CCDC102B: variants seen among roughly 807,000 people sequenced by gnomAD.
The protein encoded by CCDC102B is coiled-coil domain containing 102B.
In CCDC102B, 75 loss-of-function variants were observed where a neutral mutation model predicts 57.4. The observed-to-expected ratio is 1.31, with a 90% CI of 1.08 to 1.58. CCDC102B has a LOEUF of 1.58. Ranked by LOEUF, CCDC102B falls within the 40% of genes most tolerant of loss-of-function variation. CCDC102B has a pLI of 0.00. For missense variants in CCDC102B, 636 were observed against 582.6 expected (o/e 1.09, Z -0.94); for synonymous variants, 206 against 201.9 (o/e 1.02, Z -0.17).
At chr18:68,787,326 A>G (rs371765911) in intron 2 of CCDC102B, among the ~76,000 whole-genome samples, 1 of 151,580 alleles carries the variant, frequency 6.6e-6, no homozygotes, top group Admixed American at 6.6e-5. Flanking sequence ...TTGGTATCAG[A>G]ATGATGCTGG....
chr18:68,982,283 T>G (rs117006704), intron 6 of CCDC102B, among the ~76,000 whole-genome samples: 1,915 of 152,126 alleles, frequency 0.013, 12 homozygotes, highest in Non-Finnish European at 0.017. Context: ...TAATTTGAGT[T>G]GTATTGAACT....
rs183770772 is a variant in CCDC102B, at chr18:68,759,603, A to G, written c.-67+43009A>G. ...GAGATGATGCTAAGTATAGAATTCT[A>G]TACACATTCAAATTGTCAATCAGGG... On this transcript the variant is annotated intron_variant, in intron 2 of 3. Coordinates refer to the CCDC102B transcript ENST00000578970. Among the ~76,000 whole-genome samples the G allele has an allele frequency of 2.9e-3, 436 of 152,238 alleles. 1 individual carries two copies. The highest frequency in any genetic ancestry group is 0.01 in the African/African-American group (418 of 41,564).
chr18:68,909,338 A>AT (rs2040757593), intron 6 of CCDC102B, among the ~76,000 whole-genome samples: 1 of 152,164 alleles, frequency 6.6e-6, no homozygotes, highest in African/African-American at 2.4e-5. Flanking sequence ...CAAAACAGTT[A>AT]TTTTTGCCAA....
At chr18:69,014,978 A>AGTGTGTGTGTGTGTGTGTGTGTGT (rs3035604) in intron 7 of CCDC102B, among the ~76,000 whole-genome samples, 10 of 139,430 alleles carry the variant, frequency 7.2e-5, no homozygotes, top group East Asian at 4.5e-4. Flanking sequence ...AGAGAGAGAG[A>AGTGTGTGTGTGTGTGTGTGTGTGT]GTGTGTGTGT....
intron 2 of CCDC102B, among the ~76,000 whole-genome samples, chr18:68,720,579 G>C (rs565881331): frequency 6.6e-6 from 1 of 152,300 alleles, no homozygotes; most frequent in East Asian, 1.9e-4. Flanking sequence ...GAAGAAGCTA[G>C]ACGCTTTCAC....
intron 2 of CCDC102B, among the ~76,000 whole-genome samples, chr18:68,749,291 C>T (rs567103447): frequency 5.3e-5 from 8 of 151,850 alleles, no homozygotes; most frequent in African/African-American, 1.5e-4. Flanking sequence ...ACTTTAAAGT[C>T]GTTTTTTCCA....
At chr18:68,900,776 A>G (rs893512323) in intron 6 of CCDC102B, among the ~76,000 whole-genome samples, 1 of 152,178 alleles carries the variant, frequency 6.6e-6, no homozygotes, top group African/African-American at 2.4e-5. Context: ...AAGAACACAT[A>G]TCAACTATTC....
In CCDC102B at chr18:68,779,437, A is replaced by G. The variant is rs532216298; in HGVS notation, c.-66-43929A>G. Among the ~76,000 whole-genome samples, 5 of 152,292 alleles carry G rather than the reference A, an allele frequency of 3.3e-5. No individual in the cohort carries two copies. The East Asian group carries it at 9.6e-4, about 29-fold the overall frequency. The stretch of plus-strand genomic sequence containing the variant: ...AGATTGCTTAGTACAAAATTGCTTA[A>G]GGCAATTGAAAAGTATGAAGAAAAT... On this transcript the variant is annotated intron_variant, in intron 2 of 3. Transcript: ENST00000578970.
chr18:68,842,100 A>AT (rs1273021485), intron 3 of CCDC102B, among the ~76,000 whole-genome samples: 1 of 151,900 alleles, frequency 6.6e-6, no homozygotes, highest in Non-Finnish European at 1.5e-5. Flanking sequence ...TAAATGTTCA[A>AT]TTTTTTTCTT....
chr18:68,882,458 G>A (rs978761433), intron 5 of CCDC102B, among the ~76,000 whole-genome samples: 1 of 152,126 alleles, frequency 6.6e-6, no homozygotes. Context: ...CATTTAAAAG[G>A]ATTGATTAGT....
At chr18:68,724,110 T>C (rs1220032041) in intron 2 of CCDC102B, among the ~76,000 whole-genome samples, 1 of 152,184 alleles carries the variant, frequency 6.6e-6, no homozygotes, top group Non-Finnish European at 1.5e-5. Flanking sequence ...TCAGAAGCAA[T>C]TTCCCAAGCT....
chr18:68,796,455 G>T (rs1011571400), upstream of CCDC102B, among the ~76,000 whole-genome samples: 8 of 152,158 alleles, frequency 5.3e-5, no homozygotes, highest in South Asian at 1.7e-3. Context: ...GGGGTATAGT[G>T]GGCTGACAAA....
At chr18:68,888,407 T>C (rs2144984989) in intron 5 of CCDC102B, among the ~76,000 whole-genome samples, 1 of 152,358 alleles carries the variant, frequency 6.6e-6, no homozygotes, top group Non-Finnish European at 1.5e-5. Flanking sequence ...TGATTGTTAA[T>C]GGTATCCTTT....
At position 68,846,333 on chromosome 18, in the gene CCDC102B, A is replaced by C. The variant is rs1367767847; in HGVS notation, c.848A>C (p.Lys283Thr). Residue 283 changes from lysine (K) to threonine (T), a missense_variant, in exon 4 of 8, where the codon AAA becomes ACA. Transcript: ENST00000360242. ...TTTAGAATGCGCACAGCTTTGGAAAAAGAAATAGAGAGACTGGAGTCGGCT... is the reference window on the plus strand; with the variant it reads ...TTTAGAATGCGCACAGCTTTGGAAACAGAAATAGAGAGACTGGAGTCGGCT... Reference protein sequence around the residue: ...KEREMRTALEKEIERLESALS... With the variant: ...KEREMRTALETEIERLESALS... The C allele has an allele frequency of 1.3e-6, 2 of 1,562,790 alleles. No individual in the cohort carries two copies. Among genetic ancestry groups the C allele is most frequent in the African/African-American group, 2.8e-5 (2 of 71,818 alleles).
chr18:69,022,194 TATATATATATATA>T (rs2051854089), intron 7 of CCDC102B, among the ~76,000 whole-genome samples: 1 of 824 alleles, frequency 1.2e-3, no homozygotes, highest in Admixed American at 0.05. Context: ...TCCTTTAGCC[TATATATATATATA>T]TATATATATA....
upstream of CCDC102B, among the ~76,000 whole-genome samples, chr18:68,796,668 T>A (rs72958032): frequency 3.3e-5 from 5 of 151,486 alleles, no homozygotes; most frequent in Non-Finnish European, 7.4e-5. Flanking sequence ...TCAAAGAGGG[T>A]GAGAAGGGCC....
intron 6 of CCDC102B, among the ~76,000 whole-genome samples, chr18:68,909,550 G>A (rs966104235): frequency 6.6e-6 from 1 of 152,170 alleles, no homozygotes; most frequent in Non-Finnish European, 1.5e-5. Flanking sequence ...CAAACGATCA[G>A]TAAAGAGATG....
intron 6 of CCDC102B, among the ~76,000 whole-genome samples, chr18:68,917,777 T>A (rs1431780130): frequency 6.6e-6 from 1 of 152,196 alleles, no homozygotes; most frequent in Admixed American, 6.5e-5. Context: ...TTACCAAGAA[T>A]CGCTATGTTT....
chr18:68,893,719 G>A (rs1279094716), intron 5 of CCDC102B, among the ~76,000 whole-genome samples: 1 of 152,068 alleles, frequency 6.6e-6, no homozygotes, highest in Non-Finnish European at 1.5e-5. Flanking sequence ...ACAATATCAA[G>A]CCATGGCAGT....
Sources: gnomAD v4.1 joint callset for allele counts (sites outside exome capture counted in the v4.1 genomes callset) on GRCh38, gnomAD v4.1.1 for gene constraint, MANE v1.5 for transcripts, NCBI Gene and HGNC (gene_info 2026-07-23, HGNC 2026-07-21) for gene names.